Variants in MYO18B observed in about 807,000 individuals in gnomAD.
The protein encoded by MYO18B is myosin XVIIIB, also known as unconventional myosin-XVIIIb.
In MYO18B, 204 loss-of-function variants were observed where a neutral mutation model predicts 273.0. The observed-to-expected ratio is 0.75, with a 90% CI of 0.67 to 0.84. MYO18B has a LOEUF of 0.84. Among genes scored for constraint, MYO18B ranks in the 40% least tolerant of loss-of-function variants. The pLI is 0.00. For synonymous variants in MYO18B, 1,330 were observed against 1,305.7 expected (o/e 1.02, Z -0.40); for missense variants, 3,212 against 3,287.6 (o/e 0.98, Z 0.56).
rs1260982423 is a variant in MYO18B, at chr22:25,789,118, TC to T, written c.2376+3629del. Reference sequence around the variant, plus strand: ...TTCTTCTTCCTCCTCCTCCTCCTCCTCCTCCTCTTCCTCCTCCTCCTCCTCC... The same window carrying T: ...TTCTTCTTCCTCCTCCTCCTCCTCCTCTCCTCTTCCTCCTCCTCCTCCTCC... On this transcript the variant is annotated intron_variant, in intron 11 of 43. Coordinates refer to ENST00000335473, the MANE Select transcript of MYO18B (RefSeq NM_032608.7). Among the ~76,000 whole-genome samples, 195 of 142,788 alleles carry T rather than the reference TC, an allele frequency of 1.4e-3. 8 individuals are homozygous for T. The South Asian group carries it at 0.039, about 28-fold the overall frequency. The allele number at this position is 142,788 out of a possible 152,430, so 93.7% of individuals were successfully genotyped here. A position where few individuals can be genotyped will look rare whatever the true frequency, so the allele number is the denominator to read the frequency against.
chr22:26,058,440 A>T, the MYO18B span, among the ~76,000 whole-genome samples: 1 of 152,138 alleles, frequency 6.6e-6, no homozygotes, highest in Non-Finnish European at 1.5e-5. Context: ...TAATTTGACA[A>T]GGAGGGACAC....
At chr22:25,929,460 A>G (rs2092467826) in intron 34 of MYO18B, among the ~76,000 whole-genome samples, 1 of 152,202 alleles carries the variant, frequency 6.6e-6, no homozygotes, top group African/African-American at 2.4e-5. Context: ...GCTGTGCACA[A>G]ATAACATCTG....
In MYO18B at chr22:25,770,130, T is replaced by C; in HGVS notation, c.1533T>C (p.Tyr511=). The C allele has an allele frequency of 1.2e-6, 2 of 1,613,956 alleles. No homozygotes were observed. Among genetic ancestry groups the C allele is most frequent in the South Asian group, 1.1e-5 (1 of 91,084 alleles). The change falls in exon 5 of 44, where the codon TAT becomes TAC. Residue 511 remains tyrosine, a synonymous_variant. Coordinates refer to ENST00000335473, the MANE Select transcript of MYO18B (RefSeq NM_032608.7). The part of the protein sequence containing the change: ...DSDQAPEDRW[Y]EAEKVWLAQK... ...CTCAGGCTCCTGAGGACAGATGGTA[T>C]GAGGCAGAGAAAGTCTGGCTGGCTC...
At chr22:26,029,278 T>C (rs1936526009) in intron 43 of MYO18B, among the ~76,000 whole-genome samples, 1 of 152,156 alleles carries the variant, frequency 6.6e-6, no homozygotes, top group African/African-American at 2.4e-5. Flanking sequence ...AGGGTGCACC[T>C]GCTGCCACCC....
chr22:26,004,069 C>T (rs1448388849), intron 41 of MYO18B, among the ~76,000 whole-genome samples: 1 of 151,138 alleles, frequency 6.6e-6, no homozygotes, highest in Non-Finnish European at 1.5e-5. Flanking sequence ...AATAGAGCGT[C>T]CTATTAAAAA....
chr22:25,831,117 C>A (rs924206042), intron 15 of MYO18B, among the ~76,000 whole-genome samples: 1 of 152,176 alleles, frequency 6.6e-6, no homozygotes, highest in Non-Finnish European at 1.5e-5. Flanking sequence ...GTTGTTGTTA[C>A]CATTTTCCCT....
chr22:25,940,255 A>C (rs535990235), intron 34 of MYO18B, among the ~76,000 whole-genome samples: 2 of 150,652 alleles, frequency 1.3e-5, no homozygotes, highest in African/African-American at 2.5e-5. Context: ...AGTCTTTCCC[A>C]TGCTGGTCTT....
At chr22:25,815,649 A>G (rs2088967710) in intron 12 of MYO18B, among the ~76,000 whole-genome samples, 1 of 152,164 alleles carries the variant, frequency 6.6e-6, no homozygotes. Flanking sequence ...ATGCCTCCTT[A>G]TCCATCTTTC....
intron 42 of MYO18B, among the ~76,000 whole-genome samples, chr22:26,018,709 T>C (rs6004899): frequency 0.062 from 9,405 of 152,182 alleles, 435 homozygotes; most frequent in Admixed American, 0.17. Flanking sequence ...TCCTAGCACT[T>C]TGGGAGGCTG....
chr22:25,769,656 C>T (rs2086644573), intron 4 of MYO18B, among the ~76,000 whole-genome samples: 1 of 152,126 alleles, frequency 6.6e-6, no homozygotes, highest in East Asian at 1.9e-4. Context: ...TGGGAATTCC[C>T]CACAGAGTGA....
intron 21 of MYO18B, among the ~76,000 whole-genome samples, chr22:25,861,476 C>CT (rs1423467538): frequency 1.3e-5 from 2 of 152,182 alleles, no homozygotes; most frequent in African/African-American, 4.8e-5. Flanking sequence ...GCCACTCCAG[C>CT]TATCTTATGT....
intron 34 of MYO18B, among the ~76,000 whole-genome samples, chr22:25,936,386 G>C (rs2092578467): frequency 6.6e-6 from 1 of 152,154 alleles, no homozygotes; most frequent in Non-Finnish European, 1.5e-5. Flanking sequence ...ATAGACTTAA[G>C]ACAAGTGAAA....
At chr22:25,811,619 T>G (rs2088765331) in intron 12 of MYO18B, among the ~76,000 whole-genome samples, 1 of 152,220 alleles carries the variant, frequency 6.6e-6, no homozygotes, top group Non-Finnish European at 1.5e-5. Flanking sequence ...TTCTATGCCC[T>G]TTGCTTTTTT....
At chr22:25,801,054 GA>G (rs1346045315) in intron 12 of MYO18B, among the ~76,000 whole-genome samples, 1 of 152,208 alleles carries the variant, frequency 6.6e-6, no homozygotes, top group Non-Finnish European at 1.5e-5. Context: ...CAGCTATTAA[GA>G]ATTTCAAAGT....
intron 11 of MYO18B, among the ~76,000 whole-genome samples, chr22:25,790,158 A>AAACAAAAAAC (rs3069287): frequency 6.6e-6 from 1 of 152,070 alleles, no homozygotes; most frequent in Non-Finnish European, 1.5e-5. Flanking sequence ...GTCTCAAAAA[A>AAACAAAAAAC]AAACAACAAA....
At chr22:25,797,859 C>A (rs1156691314) in intron 11 of MYO18B, 94 bp from the exon 12 acceptor site, 3 of 1,567,010 alleles carry the variant, frequency 1.9e-6, no homozygotes, top group Non-Finnish European at 2.6e-6. Flanking sequence ...ATGACCCCCG[C>A]ATTCCTTCGA....
chr22:26,026,235 A>G (rs76808627), intron 42 of MYO18B, among the ~76,000 whole-genome samples: 1,687 of 152,360 alleles, frequency 0.011, 17 homozygotes, highest in Non-Finnish European at 0.018. Context: ...GTTTAATTAT[A>G]GATAGAAATT....
rs754659795 is a variant in MYO18B, at chr22:26,027,246, C to T, written c.7272C>T (p.Phe2424=). 3 of 1,613,882 alleles carry T rather than the reference C, an allele frequency of 1.9e-6. No individual in the cohort carries two copies. Among genetic ancestry groups the T allele is most frequent in the Non-Finnish European group, 2.5e-6 (3 of 1,179,908 alleles). The stretch of plus-strand genomic sequence containing the variant: ...AGGAACCTCTAGGCAGTGACCCATT[C>T]AGCTGGAAACTCCCAAGCCTCGACT... ...LMEEPLGSDP[F]SWKLPSLDYE... The change falls in exon 43 of 44, where the codon TTC becomes TTT. Residue 2424 remains phenylalanine, a synonymous_variant. Coordinates refer to ENST00000335473, the MANE Select transcript of MYO18B (RefSeq NM_032608.7). This position sits in a 1 kb window ranked among gnomAD's most constrained non-coding sequence, Gnocchi z 4.1.
intron 39 of MYO18B, among the ~76,000 whole-genome samples, chr22:25,988,532 T>C (rs931387936): frequency 1.1e-4 from 17 of 152,150 alleles, no homozygotes; most frequent in Non-Finnish European, 2.1e-4. Flanking sequence ...CACCTCTTCT[T>C]GCTGTGTCTA....
Sources: allele counts gnomAD v4.1 joint callset (sites outside exome capture counted in the v4.1 genomes callset), GRCh38; gene constraint gnomAD v4.1.1; non-coding constraint Gnocchi (gnomAD v3.1); transcripts MANE v1.5; gene names NCBI Gene and HGNC (gene_info 2026-07-23, HGNC 2026-07-21).